The following ZNF385C variants were observed in gnomAD, a reference collection of about 807,000 sequenced individuals.
ZNF385C encodes the protein zinc finger protein 385C.
Under a neutral mutation model 35.4 loss-of-function variants are expected in ZNF385C, and 28 were observed. The ratio of observed to expected loss-of-function variants is 0.79; its 90% confidence interval spans 0.59 to 1.08. The LOEUF is 1.08. Ranked by LOEUF, ZNF385C falls within the 50% of genes least tolerant of loss-of-function variation. The probability of loss-of-function intolerance (pLI) is 0.00; values close to 1 mark genes in which losing one functional copy is unlikely to be tolerated. For missense variants in ZNF385C, 605 were observed against 595.6 expected, an observed-to-expected ratio of 1.02 and a Z score of -0.16; for synonymous variants, 248 against 248.2, an observed-to-expected ratio of 1.00 and a Z score of 0.01.
intron 3 of ZNF385C, among the ~76,000 whole-genome samples, chr17:42,034,559 CA>C (rs2052799788): frequency 6.6e-6 from 1 of 151,856 alleles, no homozygotes; most frequent in Admixed American, 6.6e-5. Context: ...GCAGGCAGAT[CA>C]CCTCAGGTTG....
chr17:42,037,659 G>C, intron 3 of ZNF385C, 78 bp downstream of exon 3: 1 of 1,437,754 alleles, frequency 7.0e-7, no homozygotes, highest in Non-Finnish European at 9.2e-7. Context: ...GCTGCTGAGA[G>C]CTGGACCCTC....
chr17:42,048,450 C>T (rs1461984687), intron 2 of ZNF385C, among the ~76,000 whole-genome samples: 3 of 151,830 alleles, frequency 2.0e-5, no homozygotes, highest in African/African-American at 7.3e-5. Flanking sequence ...GAAGCTGAGG[C>T]AGGAGGATCA....
At chr17:42,029,771 C>T (rs373185534) in intron 5 of ZNF385C, among the ~76,000 whole-genome samples, 1 of 151,708 alleles carries the variant, frequency 6.6e-6, no homozygotes, top group Middle Eastern at 3.5e-3. Context: ...CAGTGGCTCA[C>T]GCCTGTGATC....
chr17:42,067,188 G>A (rs1157229494), intron 1 of ZNF385C, among the ~76,000 whole-genome samples: 4 of 152,184 alleles, frequency 2.6e-5, no homozygotes, highest in Non-Finnish European at 1.5e-5. Context: ...CTCCAGCCTC[G>A]GGCTCCCAAA....
chr17:42,045,134 G>T (rs573773542), intron 2 of ZNF385C, among the ~76,000 whole-genome samples: 1 of 152,272 alleles, frequency 6.6e-6, no homozygotes, highest in Non-Finnish European at 1.5e-5. Context: ...AGCCACGATG[G>T]TCTCGATCTC....
At chr17:42,073,184 C>T (rs1555659001) in intron 1 of ZNF385C, among the ~76,000 whole-genome samples, 1 of 152,134 alleles carries the variant, frequency 6.6e-6, no homozygotes, top group African/African-American at 2.4e-5. Context: ...CGCCTGTAAT[C>T]CCAGCACTTT....
intron 2 of ZNF385C, among the ~76,000 whole-genome samples, chr17:42,056,240 C>T (rs1555657547): frequency 1.3e-5 from 2 of 152,242 alleles, no homozygotes; most frequent in African/African-American, 4.8e-5. Flanking sequence ...GCTAGTCTCC[C>T]CATCCCTAGC....
intron 2 of ZNF385C, chr17:42,041,077 GC>G: frequency 8.1e-7 from 1 of 1,232,394 alleles, no homozygotes; most frequent in Non-Finnish European, 1.0e-6. Flanking sequence ...GGCAAACAGG[GC>G]CAGGCTGTGT....
At chr17:42,076,523 G>A (rs2053687388) in intron 1 of ZNF385C, among the ~76,000 whole-genome samples, 1 of 152,204 alleles carries the variant, frequency 6.6e-6, no homozygotes, top group African/African-American at 2.4e-5. Context: ...TCAGGAGGCT[G>A]AGGCAGGAGA....
intron 1 of ZNF385C, among the ~76,000 whole-genome samples, chr17:42,097,182 C>T (rs1280229949): frequency 6.6e-6 from 1 of 152,006 alleles, no homozygotes; most frequent in Non-Finnish European, 1.5e-5. Context: ...TTATTATCCC[C>T]ATTTTACAGG....
Position 42,038,205 on chromosome 17 carries a change from G to GAC in ZNF385C, c.251-322_251-321dup, listed in dbSNP as rs1204255468. 6.5e-5 allele frequency: 45 copies of GAC among 688,540 alleles called. No homozygotes were observed. In the Middle Eastern group the frequency reaches 2.4e-3, roughly 37 times the overall value. The allele number at this position is 688,540 out of a possible 1,614,324, so 42.7% of individuals were successfully genotyped here. Reference sequence around the variant, plus strand: ...GGACAGAGGGGTCTGGGCAGGCCCTGACACACACACCACCATGGAGACTGC... The same window carrying GAC: ...GGACAGAGGGGTCTGGGCAGGCCCTGACACACACACACCACCATGGAGACTGC... On this transcript the variant is annotated intron_variant, in intron 2 of 8. Coordinates refer to ENST00000692273, the MANE Select transcript of ZNF385C (RefSeq NM_001392013.1).
At chr17:42,053,260 G>T (rs1215866167) in intron 2 of ZNF385C, among the ~76,000 whole-genome samples, 4 of 152,220 alleles carry the variant, frequency 2.6e-5, no homozygotes, top group Non-Finnish European at 5.9e-5. Flanking sequence ...CCTTTGATGG[G>T]TGATGGCTGT....
At chr17:42,047,417 C>T (rs1025183058) in intron 2 of ZNF385C, among the ~76,000 whole-genome samples, 6 of 152,054 alleles carry the variant, frequency 3.9e-5, no homozygotes, top group East Asian at 1.9e-4. Flanking sequence ...TCAGATGATC[C>T]GCCCATCTCA....
At chr17:42,046,816 A>C (rs1251450584) in intron 2 of ZNF385C, among the ~76,000 whole-genome samples, 1 of 152,010 alleles carries the variant, frequency 6.6e-6, no homozygotes, top group African/African-American at 2.4e-5. Flanking sequence ...TGGCCACATG[A>C]AAGAACTCTT....
Position 42,026,556 on chromosome 17 carries a change from T to C in ZNF385C, c.*341A>G, listed in dbSNP as rs1319034714. The C allele has an allele frequency of 3.1e-5, 11 of 352,748 alleles. No homozygotes were observed. In the Admixed American group the frequency reaches 4.9e-4, roughly 16 times the overall value. The allele number at this position is 352,748 out of a possible 1,614,324, so 21.9% of individuals were successfully genotyped here. A position where few individuals can be genotyped will look rare whatever the true frequency, so the allele number is the denominator to read the frequency against. On this transcript the variant is annotated 3_prime_UTR_variant, in exon 9 of 9. Coordinates refer to ENST00000692273, the MANE Select transcript of ZNF385C (RefSeq NM_001392013.1). ...CGTCCCCTGGCTAGGAGAGGATGGC[T>C]TGTAGAAGCTAAGATTCCTAGAGTC...
chr17:42,068,456 A>T (rs1424861174), intron 1 of ZNF385C, among the ~76,000 whole-genome samples: 2 of 152,216 alleles, frequency 1.3e-5, no homozygotes, highest in African/African-American at 4.8e-5. Context: ...TTCTTTATGA[A>T]ATAACAACCC....
At chr17:42,042,938 G>A (rs1449519217) in intron 2 of ZNF385C, 14 of 1,232,378 alleles carry the variant, frequency 1.1e-5, no homozygotes, top group South Asian at 4.1e-5. Context: ...GCAGAGCAGC[G>A]GTCATTGGGC....
At chr17:42,044,452 A>G (rs2053105932) in intron 2 of ZNF385C, among the ~76,000 whole-genome samples, 1 of 151,938 alleles carries the variant, frequency 6.6e-6, no homozygotes, top group African/African-American at 2.4e-5. Context: ...CCCCATCTCT[A>G]CTAAAGGTAA....
Position 42,029,077 on chromosome 17 carries a change from C to T in ZNF385C, c.677-4G>A. The stretch of plus-strand genomic sequence containing the variant: ...CCAAGAGGAGGGGCTGCAGGAACTG[C>T]TGCAGAGATGGAAGAGTGTGAGACC... On this transcript the variant is annotated splice_polypyrimidine_tract_variant and splice_region_variant and intron_variant, in intron 5 of 8. Coordinates refer to ENST00000692273, the MANE Select transcript of ZNF385C (RefSeq NM_001392013.1). 5 of 1,547,730 alleles carry T rather than the reference C, an allele frequency of 3.2e-6. No homozygotes were observed. Among genetic ancestry groups the T allele is most frequent in the Non-Finnish European group, 4.4e-6 (5 of 1,145,542 alleles).
Sources: gnomAD v4.1 joint callset for allele counts (sites outside exome capture counted in the v4.1 genomes callset) on GRCh38, gnomAD v4.1.1 for gene constraint, MANE v1.5 for transcripts, NCBI Gene and HGNC (gene_info 2026-07-23, HGNC 2026-07-21) for gene names.